Variants in PARD3 observed in about 807,000 individuals in gnomAD.
PARD3 encodes par-3 family cell polarity regulator, also known as partitioning defective 3 homolog.
A neutral mutation model predicts 155.4 loss-of-function variants in PARD3; 75 were observed. The observed-to-expected ratio is 0.48, with a 90% CI of 0.40 to 0.58. PARD3 has a LOEUF of 0.58. PARD3 is among the 20% of genes least tolerant of loss of function. The pLI, the probability that PARD3 is intolerant of heterozygous loss-of-function variation, is 0.00. For synonymous variants in PARD3, 576 were observed against 610.5 expected, an observed-to-expected ratio of 0.94 and a Z score of 0.83; for missense variants, 1,642 against 1,721.7, an observed-to-expected ratio of 0.95 and a Z score of 0.82.
chr10:34,563,779 T>C lies in PARD3; in HGVS notation c.223-46620A>G, dbSNP rs374144989. Among the ~76,000 whole-genome samples the C allele has an allele frequency of 1.8e-4, 28 of 152,308 alleles. No individual in the cohort carries two copies. The East Asian group carries it at 4.6e-3, about 25-fold the overall frequency. ...CTCTTGACCTCGTGATCCGCCCGCC[T>C]TGGCCTCCCAAAGTGTTGGGATTAC... On this transcript the variant is annotated intron_variant, in intron 2 of 24. Transcript: ENST00000374788.
At chr10:34,409,979 T>A (rs1381455556) in intron 5 of PARD3, among the ~76,000 whole-genome samples, 1 of 152,172 alleles carries the variant, frequency 6.6e-6, no homozygotes, top group East Asian at 1.9e-4. Flanking sequence ...GTGCCTCAGT[T>A]TACTCATTTA....
At chr10:34,611,173 G>C (rs2090863233) in intron 2 of PARD3, among the ~76,000 whole-genome samples, 1 of 152,168 alleles carries the variant, frequency 6.6e-6, no homozygotes, top group South Asian at 2.1e-4. Flanking sequence ...ATTCTTACAT[G>C]TATTAATGCT....
chr10:34,803,070 G>GAAAAA (rs34342941), intron 1 of PARD3, among the ~76,000 whole-genome samples: 2 of 102,656 alleles, frequency 1.9e-5, no homozygotes, highest in African/African-American at 7.0e-5. Context: ...TACTAAAAAT[G>GAAAAA]AAAAAAAAAA....
intron 23 of PARD3, among the ~76,000 whole-genome samples, chr10:34,122,919 A>T (rs917877366): frequency 5.9e-5 from 9 of 152,242 alleles, no homozygotes; most frequent in African/African-American, 1.9e-4. Flanking sequence ...AATAAAGTGA[A>T]GAAAAGAGGT....
Position 34,548,694 on chromosome 10 carries a change from T to C in PARD3, c.223-31535A>G, listed in dbSNP as rs140283003. Among the ~76,000 whole-genome samples, 10 of 152,162 alleles carry C rather than the reference T, an allele frequency of 6.6e-5. No homozygotes were observed. The East Asian group carries it at 1.9e-3, about 29-fold the overall frequency. ...ATTCCACTCTCTTCTGTGGGGAAACTTGCCATACTTTTCTCTGATTCCAAG... is the reference window on the plus strand; with the variant it reads ...ATTCCACTCTCTTCTGTGGGGAAACCTGCCATACTTTTCTCTGATTCCAAG... On this transcript the variant is annotated intron_variant, in intron 2 of 24. Transcript: ENST00000374788.
rs150161748 is a variant in PARD3 at position 34,470,049 on chromosome 10, G to C, written c.582+36C>G. The C allele has an allele frequency of 5.3e-3, 8,196 of 1,534,050 alleles. 39 individuals carry two copies. The highest frequency in any genetic ancestry group is 6.8e-3 in the Non-Finnish European group (7,737 of 1,133,192). On this transcript the variant is annotated intron_variant, in intron 4 of 24. Transcript: ENST00000374788. ...TCACGGACACCAAGAAGTCAGGAGG[G>C]GCAAGAGACAGCAGCAAACAAGCAG...
chr10:34,482,263 G>A (rs2079133687), intron 3 of PARD3, among the ~76,000 whole-genome samples: 1 of 151,924 alleles, frequency 6.6e-6, no homozygotes, highest in African/African-American at 2.4e-5. Flanking sequence ...TTGAACTCCT[G>A]GCCTCAAGTT....
intron 20 of PARD3, among the ~76,000 whole-genome samples, chr10:34,303,162 ATTTTTTTT>A (rs5784409): frequency 1.5e-5 from 2 of 132,002 alleles, no homozygotes; most frequent in Admixed American, 7.5e-5. Flanking sequence ...GCCCAGGTGA[ATTTTTTTT>A]TTTTTTTTTT....
chr10:34,791,976 C>G (rs1462659191), intron 1 of PARD3, among the ~76,000 whole-genome samples: 1 of 152,180 alleles, frequency 6.6e-6, no homozygotes, highest in East Asian at 1.9e-4. Context: ...TCTCTGCTTC[C>G]TGCTTTTTCA....
chr10:34,407,242 G>C (rs1210121840), intron 5 of PARD3, among the ~76,000 whole-genome samples: 2 of 152,184 alleles, frequency 1.3e-5, no homozygotes, highest in African/African-American at 4.8e-5. Context: ...CTAACATGCA[G>C]ACTGTCAAGG....
chr10:34,247,433 C>T (rs7900200), intron 22 of PARD3, among the ~76,000 whole-genome samples: 6,313 of 151,950 alleles, frequency 0.042, 379 homozygotes, highest in African/African-American at 0.13. Context: ...ACCTGGGAGG[C>T]GGAGGTTGCA....
At chr10:34,613,468 A>G (rs1288199787) in intron 2 of PARD3, among the ~76,000 whole-genome samples, 1 of 152,224 alleles carries the variant, frequency 6.6e-6, no homozygotes, top group Non-Finnish European at 1.5e-5. Context: ...TGTATCATAA[A>G]TACATACCAG....
intron 2 of PARD3, among the ~76,000 whole-genome samples, chr10:34,588,209 C>G (rs2088287428): frequency 6.6e-6 from 1 of 152,154 alleles, no homozygotes; most frequent in Non-Finnish European, 1.5e-5. Flanking sequence ...TTGTTCTCAA[C>G]AGAAATGTAA....
At chr10:34,568,724 G>A (rs2134131116) in intron 2 of PARD3, among the ~76,000 whole-genome samples, 1 of 152,166 alleles carries the variant, frequency 6.6e-6, no homozygotes, top group East Asian at 1.9e-4. Flanking sequence ...AAGAGCTAAA[G>A]TCCTGCTCCA....
chr10:34,500,780 A>G (rs2080642025), intron 3 of PARD3, among the ~76,000 whole-genome samples: 1 of 152,158 alleles, frequency 6.6e-6, no homozygotes, highest in Non-Finnish European at 1.5e-5. Context: ...AAATGAATAC[A>G]GTAACGTAAC....
chr10:34,125,167 A>C (rs1430275423), intron 23 of PARD3, among the ~76,000 whole-genome samples: 1 of 151,446 alleles, frequency 6.6e-6, no homozygotes, highest in Admixed American at 6.6e-5. Context: ...CCTGGGTTCA[A>C]GTGATTCTCC....
At chr10:34,371,527 AAAAAACAACG>A in intron 12 of PARD3, among the ~76,000 whole-genome samples, 3 of 66,008 alleles carry the variant, frequency 4.5e-5, no homozygotes, top group Non-Finnish European at 7.5e-5. Context: ...AAAAAAAAAA[AAAAAACAACG>A]AAGGAATATT....
At chr10:34,213,364 A>T (rs1308055223) in intron 22 of PARD3, among the ~76,000 whole-genome samples, 1 of 152,208 alleles carries the variant, frequency 6.6e-6, no homozygotes, top group Non-Finnish European at 1.5e-5. Flanking sequence ...GCATTAATCT[A>T]TTCATGAGGA....
rs1043744894 is a variant in PARD3 at position 34,283,955 on chromosome 10, G to GT, written c.3176+179dup. Among the ~76,000 whole-genome samples, 293 of 141,516 alleles carry GT rather than the reference G, an allele frequency of 2.1e-3. 1 individual carries two copies. Among genetic ancestry groups the GT allele is most frequent in the East Asian group, 6.1e-3 (30 of 4,908 alleles). The allele number at this position is 141,516 out of a possible 152,430, so 92.8% of individuals were successfully genotyped here. A position where few individuals can be genotyped will look rare whatever the true frequency, so the allele number is the denominator to read the frequency against. On this transcript the variant is annotated intron_variant, in intron 21 of 24. Transcript: ENST00000374788. ...CTTTGATGTCACAAATACATATAAG[G>GT]TTTTTTTTTTTAAATCTCTCTTTAC...
Sources: gnomAD v4.1 joint callset for allele counts (sites outside exome capture counted in the v4.1 genomes callset) on GRCh38, gnomAD v4.1.1 for gene constraint, MANE v1.5 for transcripts, NCBI Gene and HGNC (gene_info 2026-07-23, HGNC 2026-07-21) for gene names.